PRKN: variants seen among roughly 807,000 people sequenced by gnomAD.
PRKN encodes the protein E3 ubiquitin-protein ligase parkin.
Under a neutral mutation model 59.5 loss-of-function variants are expected in PRKN, and 56 were observed. That is an observed-to-expected ratio of 0.94 (90% CI 0.76 to 1.18). PRKN has a LOEUF of 1.18. Among genes scored for constraint, PRKN ranks in the 50% most tolerant of loss-of-function variants. The probability of loss-of-function intolerance (pLI) is 0.00; values close to 1 mark genes in which losing one functional copy is unlikely to be tolerated. For missense variants in PRKN, 657 were observed against 596.4 expected (o/e 1.10, Z -1.06); for synonymous variants, 250 against 222.1 (o/e 1.13, Z -1.12).
chr6:161,577,745 T>G (rs1562537610), intron 7 of PRKN, among the ~76,000 whole-genome samples: 1 of 152,154 alleles, frequency 6.6e-6, no homozygotes, highest in Non-Finnish European at 1.5e-5. Context: ...TTGATGCAGA[T>G]TGGTATTTTC....
chr6:162,339,264 G>A (rs1403615373), intron 2 of PRKN, among the ~76,000 whole-genome samples: 6 of 143,502 alleles, frequency 4.2e-5, no homozygotes, highest in Admixed American at 7.0e-5. Context: ...CCCCCGCCCG[G>A]CCAGCCGCCC....
At chr6:161,899,117 T>C (rs1253352535) in intron 6 of PRKN, among the ~76,000 whole-genome samples, 3 of 152,226 alleles carry the variant, frequency 2.0e-5, no homozygotes, top group Non-Finnish European at 4.4e-5. Context: ...CGCAGCTATG[T>C]CAGCGTGGCC....
intron 7 of PRKN, among the ~76,000 whole-genome samples, chr6:161,658,463 T>C (rs1784435212): frequency 6.6e-6 from 1 of 152,238 alleles, no homozygotes; most frequent in South Asian, 2.1e-4. Context: ...AGTCAACCAG[T>C]GGAAACATGT....
chr6:162,281,597 T>TA (rs1382512265), intron 2 of PRKN, among the ~76,000 whole-genome samples: 1 of 152,138 alleles, frequency 6.6e-6, no homozygotes, highest in Non-Finnish European at 1.5e-5. Flanking sequence ...AAGTTGCTTA[T>TA]AAAAAAGAAA....
At chr6:161,950,829 G>A (rs748403130) in intron 6 of PRKN, among the ~76,000 whole-genome samples, 2 of 151,726 alleles carry the variant, frequency 1.3e-5, no homozygotes, top group Non-Finnish European at 2.9e-5. Flanking sequence ...ATTGTACTGC[G>A]TCTTCGAGAG....
chr6:162,119,409 A>G lies in PRKN; in HGVS notation c.535-65235T>C, dbSNP rs143984343. On this transcript the variant is annotated intron_variant, in intron 4 of 11. Transcript: ENST00000366898. ...TTCTCTCACCTCCAAACTCTTCCAC[A>G]CTCTGCTCTGGATGCTATAGACACA... 3.3e-5 allele frequency among the ~76,000 whole-genome samples: 5 copies of G among 152,132 alleles called. No homozygotes were observed. The East Asian group carries it at 9.7e-4, about 29-fold the overall frequency.
chr6:162,101,967 C>T lies in PRKN; in HGVS notation c.535-47793G>A, dbSNP rs1779989672. ...ATTGATACACTATTAGCATTTAATCCACAGGCCTGATGTAAGTTGTCTCAA... is the reference window on the plus strand; with the variant it reads ...ATTGATACACTATTAGCATTTAATCTACAGGCCTGATGTAAGTTGTCTCAA... On this transcript the variant is annotated intron_variant, in intron 4 of 11. Coordinates refer to ENST00000366898, the MANE Select transcript of PRKN (RefSeq NM_004562.3). Among the ~76,000 whole-genome samples, 4 of 152,146 alleles carry T rather than the reference C, an allele frequency of 2.6e-5. No homozygotes were observed. In the South Asian group the frequency reaches 8.3e-4, roughly 32 times the overall value.
At chr6:161,804,504 T>A (rs1035950396) in intron 6 of PRKN, among the ~76,000 whole-genome samples, 1 of 152,060 alleles carries the variant, frequency 6.6e-6, no homozygotes, top group African/African-American at 2.4e-5. Context: ...TCCCTCTCCA[T>A]CCCCTTCCCT....
intron 5 of PRKN, among the ~76,000 whole-genome samples, chr6:162,029,200 CAT>C (rs1783549561): frequency 6.6e-6 from 1 of 152,120 alleles, no homozygotes; most frequent in Non-Finnish European, 1.5e-5. Context: ...CACCCCCACA[CAT>C]GATACAGAGA....
intron 6 of PRKN, among the ~76,000 whole-genome samples, chr6:161,929,111 A>G (rs1172175859): frequency 2.0e-5 from 3 of 152,230 alleles, no homozygotes; most frequent in African/African-American, 7.2e-5. Context: ...AATGTGGCAT[A>G]TATATAAATG....
At chr6:162,045,863 C>T (rs1784230579) in intron 5 of PRKN, among the ~76,000 whole-genome samples, 2 of 152,178 alleles carry the variant, frequency 1.3e-5, no homozygotes, top group South Asian at 4.1e-4. Context: ...TGTATCTGCA[C>T]TGAGGCTATC....
chr6:162,526,389 C>T (rs1003118698), intron 1 of PRKN, among the ~76,000 whole-genome samples: 10 of 150,668 alleles, frequency 6.6e-5, no homozygotes, highest in Admixed American at 1.3e-4. Context: ...CGGTGGGTCA[C>T]GCCTGTAATC....
chr6:162,209,758 C>T (rs548891483), intron 3 of PRKN, among the ~76,000 whole-genome samples: 12 of 152,238 alleles, frequency 7.9e-5, no homozygotes, highest in South Asian at 2.1e-4. Context: ...ACATATACAC[C>T]GTGGAATACT....
At chr6:161,779,103 C>A (rs2128205256) in intron 7 of PRKN, among the ~76,000 whole-genome samples, 1 of 152,122 alleles carries the variant, frequency 6.6e-6, no homozygotes, top group South Asian at 2.1e-4. Flanking sequence ...CCACGCCTGG[C>A]TAATTTTTGT....
At chr6:162,576,610 G>A (rs546295041) in intron 1 of PRKN, among the ~76,000 whole-genome samples, 7 of 152,170 alleles carry the variant, frequency 4.6e-5, no homozygotes, top group South Asian at 2.1e-4. Context: ...TCAGGAGTTC[G>A]AGACCAGCCT....
At chr6:162,021,145 TATATATATATATATATATATAAA>T (rs1562465471) in intron 5 of PRKN, among the ~76,000 whole-genome samples, 5 of 8,726 alleles carry the variant, frequency 5.7e-4, no homozygotes, top group East Asian at 3.3e-3. Context: ...TATATATATA[TATATATATATATATATATATAAA>T]ATATATGTGT....
chr6:162,635,711 T>C (rs1201606095), intron 1 of PRKN, among the ~76,000 whole-genome samples: 1 of 152,182 alleles, frequency 6.6e-6, no homozygotes, highest in Non-Finnish European at 1.5e-5. Context: ...GTGGTAATCA[T>C]ATAAAAAACA....
At chr6:161,994,442 C>A (rs1341563586) in intron 5 of PRKN, among the ~76,000 whole-genome samples, 2 of 151,990 alleles carry the variant, frequency 1.3e-5, no homozygotes, top group African/African-American at 4.8e-5. Context: ...TCTCACTACT[C>A]CAATTCAACA....
In PRKN at chr6:162,414,710, C is replaced by CA. The variant is rs1397574412; in HGVS notation, c.171+28599dup. On this transcript the variant is annotated intron_variant, in intron 2 of 11. Transcript: ENST00000366898. ...TGGTCAACTGAGCAAGACTCCGTCT[C>CA]AAAAAAAAAAAAAAAAAGTGAATCT... Among the ~76,000 whole-genome samples the CA allele has an allele frequency of 6.5e-3, 665 of 101,898 alleles. 15 individuals carry two copies. The highest frequency in any genetic ancestry group is 0.019 in the East Asian group (65 of 3,416). 66.8% of individuals were successfully genotyped at this position (101,898 alleles called of 152,430 possible). A position where few individuals can be genotyped will look rare whatever the true frequency, so the allele number is the denominator to read the frequency against.
Sources: allele counts gnomAD v4.1 joint callset (sites outside exome capture counted in the v4.1 genomes callset), GRCh38; gene constraint gnomAD v4.1.1; transcripts MANE v1.5; gene names NCBI Gene and HGNC (gene_info 2026-07-23, HGNC 2026-07-21).